The following DENND2B variants were observed in gnomAD, a reference collection of about 807,000 sequenced individuals.
The protein encoded by DENND2B is DENN domain-containing protein 2B.
In DENND2B, 32 loss-of-function variants were observed where a neutral mutation model predicts 116.0. The ratio of observed to expected loss-of-function variants is 0.28; its 90% CI spans 0.21 to 0.37. The LOEUF (loss-of-function observed/expected upper bound fraction) is 0.37, where lower values mean the gene tolerates loss of function less well. DENND2B is among the 10% of genes least tolerant of loss of function. The pLI is 1.00. For synonymous variants in DENND2B, 588 were observed against 583.9 expected (o/e 1.01, Z -0.10); for missense variants, 1,276 against 1,477.7 (o/e 0.86, Z 2.24).
chr11:8,797,395 C>T (rs1055054381), intron 1 of DENND2B, among the ~76,000 whole-genome samples: 1 of 152,080 alleles, frequency 6.6e-6, no homozygotes, highest in African/African-American at 2.4e-5. Flanking sequence ...TCTATGCCCA[C>T]TTCAGATCCC....
rs1405420527 is a variant in DENND2B, at chr11:8,857,799, G to A, written c.-249-363C>T. The stretch of plus-strand genomic sequence containing the variant: ...CAACTGGTTGTGTGCCTTTGGGCAG[G>A]TCCTACACCTCTCTGGGCTCAGTTT... On this transcript the variant is annotated intron_variant, in intron 2 of 6. Coordinates refer to the DENND2B transcript ENST00000524757. Among the ~76,000 whole-genome samples, 4 of 152,172 alleles carry A rather than the reference G, an allele frequency of 2.6e-5. No homozygotes were observed. In the East Asian group the frequency reaches 7.7e-4, roughly 29 times the overall value.
chr11:8,773,579 G>A (rs4929937), intron 1 of DENND2B, among the ~76,000 whole-genome samples: 1,590 of 152,274 alleles, frequency 0.01, 9 homozygotes, highest in Non-Finnish European at 0.016. Context: ...GTCAGAAAGT[G>A]GGGCATTTGA....
At chr11:8,824,037 G>A (rs1305210595) in intron 4 of DENND2B, among the ~76,000 whole-genome samples, 1 of 151,672 alleles carries the variant, frequency 6.6e-6, no homozygotes, top group African/African-American at 2.4e-5. Flanking sequence ...CCAGTAGCTG[G>A]GACTACAGGT....
intron 1 of DENND2B, among the ~76,000 whole-genome samples, chr11:8,795,820 G>A (rs1266681516): frequency 2.0e-5 from 3 of 152,130 alleles, no homozygotes; most frequent in African/African-American, 7.2e-5. Flanking sequence ...AGTCTTTCCA[G>A]CCTCATCTTC....
intron 1 of DENND2B, among the ~76,000 whole-genome samples, chr11:8,903,156 C>T (rs1420883791): frequency 6.6e-6 from 1 of 152,174 alleles, no homozygotes; most frequent in Non-Finnish European, 1.5e-5. Flanking sequence ...CCACACCTGG[C>T]CATCTGTATT....
intron 3 of DENND2B, among the ~76,000 whole-genome samples, chr11:8,850,603 A>C (rs2062971527): frequency 6.6e-6 from 1 of 152,188 alleles, no homozygotes. Context: ...GCCATTCTGG[A>C]AAACAGCATG....
At chr11:8,695,177 A>G (rs2040140468) in intron 19 of DENND2B, among the ~76,000 whole-genome samples, 1 of 152,248 alleles carries the variant, frequency 6.6e-6, no homozygotes, top group African/African-American at 2.4e-5. Flanking sequence ...GGTTATATGC[A>G]AATACTATGC....
In DENND2B at chr11:8,802,003, A is replaced by G. The variant is rs1279701070; in HGVS notation, c.-26+8514T>C. On this transcript the variant is annotated intron_variant, in intron 1 of 19. Transcript: ENST00000313726. ...TAAGGCCCTCTCTTGGGGAAAAAAAAAAAAAAAAAAAAAAGGGCCGGGTGC... is the reference window on the plus strand; with the variant it reads ...TAAGGCCCTCTCTTGGGGAAAAAAAGAAAAAAAAAAAAAAGGGCCGGGTGC... 1.8e-4 allele frequency among the ~76,000 whole-genome samples: 27 copies of G among 150,254 alleles called. No individual in the cohort carries two copies. In the South Asian group the frequency reaches 5.7e-3, roughly 32 times the overall value.
chr11:8,718,436 C>T, intron 4 of DENND2B: 1 of 1,522,290 alleles, frequency 6.6e-7, no homozygotes, highest in Non-Finnish European at 8.8e-7. Context: ...ACCTACGATG[C>T]CGTTCAACAA....
At chr11:8,731,742 G>A (rs1348836425) in intron 2 of DENND2B, among the ~76,000 whole-genome samples, 1 of 152,130 alleles carries the variant, frequency 6.6e-6, no homozygotes, top group Admixed American at 6.5e-5. Flanking sequence ...CTGAACAACC[G>A]GCTCTCTAGG....
Position 8,712,880 on chromosome 11 carries a change from G to T in DENND2B, c.1988-145C>A. On this transcript the variant is annotated intron_variant, in intron 8 of 19. Transcript: ENST00000313726. The surrounding 1 kb of genome is among the most constrained non-coding windows in gnomAD (Gnocchi z 4.4). ...CCATCCCCAGCTCACAGTGCAGGAG[G>T]ACCGGCAGGCACAAGGTGCTGACCC... 1 of 862,830 alleles carries T rather than the reference G, an allele frequency of 1.2e-6. No homozygotes were observed. Among genetic ancestry groups the T allele is most frequent in the Non-Finnish European group, 1.7e-6 (1 of 582,252 alleles). 53.4% of individuals were successfully genotyped at this position (862,830 alleles called of 1,614,324 possible). A position where few individuals can be genotyped will look rare whatever the true frequency, so the allele number is the denominator to read the frequency against.
At chr11:8,737,698 T>TCCTC (rs962092932) in intron 2 of DENND2B, among the ~76,000 whole-genome samples, 2 of 151,828 alleles carry the variant, frequency 1.3e-5, no homozygotes, top group Admixed American at 6.6e-5. Flanking sequence ...TCTCCTTCCT[T>TCCTC]CCTCCCTCCC....
At chr11:8,726,243 G>T (rs777647261) in intron 3 of DENND2B, 34 bp from the exon 4 acceptor site, 2 of 1,580,712 alleles carry the variant, frequency 1.3e-6, no homozygotes, top group South Asian at 1.2e-5. Flanking sequence ...CATTCCTGCT[G>T]AATCAGATCT....
At chr11:8,718,353 A>AC (rs1342705128) in intron 4 of DENND2B, 1 of 1,534,842 alleles carries the variant, frequency 6.5e-7, no homozygotes, top group Non-Finnish European at 8.7e-7. Flanking sequence ...CTCCCTGGGG[A>AC]CCTACTTTGG....
intron 2 of DENND2B, among the ~76,000 whole-genome samples, chr11:8,732,300 TATC>T (rs2048255595): frequency 6.6e-6 from 1 of 152,236 alleles, no homozygotes; most frequent in Non-Finnish European, 1.5e-5. Flanking sequence ...TCTATGAGGT[TATC>T]ATGTTTATTA....
intron 1 of DENND2B, among the ~76,000 whole-genome samples, chr11:8,755,905 C>T (rs1252140144): frequency 2.0e-5 from 3 of 152,228 alleles, no homozygotes; most frequent in Non-Finnish European, 4.4e-5. Context: ...GAGATACTCT[C>T]TACCTGTATC....
At position 8,863,252 on chromosome 11, in the gene DENND2B, ACTTT is replaced by A. The variant is rs1329111661; in HGVS notation, c.-249-5820_-249-5817del. ...CCCACGCCCCATGACTCTTAACGCCACTTTCTTTTTTTTTTTTTTTTTGAGACCG... is the reference window on the plus strand; with the variant it reads ...CCCACGCCCCATGACTCTTAACGCCACTTTTTTTTTTTTTTTTTGAGACCG... On this transcript the variant is annotated intron_variant, in intron 2 of 6. Transcript: ENST00000524757. 3.3e-3 allele frequency among the ~76,000 whole-genome samples: 450 copies of A among 138,140 alleles called. 2 individuals carry two copies. Among genetic ancestry groups the A allele is most frequent in the African/African-American group, 0.011 (420 of 39,632 alleles). The allele number at this position is 138,140 out of a possible 152,430, so 90.6% of individuals were successfully genotyped here. A position where few individuals can be genotyped will look rare whatever the true frequency, so the allele number is the denominator to read the frequency against.
intron 2 of DENND2B, among the ~76,000 whole-genome samples, chr11:8,743,931 T>C (rs1419211157): frequency 6.6e-6 from 1 of 151,044 alleles, no homozygotes; most frequent in Non-Finnish European, 1.5e-5. Flanking sequence ...TTTGTAGAGA[T>C]GGGGGCGGGG....
intron 3 of DENND2B, among the ~76,000 whole-genome samples, chr11:8,839,536 C>G (rs887803650): frequency 1.3e-5 from 2 of 152,178 alleles, no homozygotes; most frequent in Admixed American, 6.5e-5. Context: ...CTGAGGCCAG[C>G]TTTCTACCCA....
Sources: gnomAD v4.1 joint callset for allele counts (sites outside exome capture counted in the v4.1 genomes callset) on GRCh38, gnomAD v4.1.1 for gene constraint, Gnocchi (gnomAD v3.1) non-coding constraint, MANE v1.5 for transcripts, NCBI Gene and HGNC (gene_info 2026-07-23, HGNC 2026-07-21) for gene names.